BCAS3: variants seen among roughly 807,000 people sequenced by gnomAD.
BCAS3 encodes BCAS3 microtubule associated cell migration factor.
BCAS3 carries 53 observed loss-of-function variants against 116.1 expected under a neutral mutation model. That is an observed-to-expected ratio of 0.46 (90% CI 0.37 to 0.57). The LOEUF (loss-of-function observed/expected upper bound fraction) is 0.57, where lower values mean the gene tolerates loss of function less well. Ranked by LOEUF, BCAS3 falls within the 20% of genes least tolerant of loss-of-function variation. The probability of loss-of-function intolerance (pLI) is 0.00; values close to 1 mark genes in which losing one functional copy is unlikely to be tolerated. For synonymous variants in BCAS3, 391 were observed against 408.2 expected (o/e 0.96, Z 0.51); for missense variants, 917 against 1,165.4 (o/e 0.79, Z 3.10).
At chr17:60,874,601 C>T (rs2055419869) in intron 8 of BCAS3, 61 bp from the exon 9 acceptor site, 1 of 1,187,002 alleles carries the variant, frequency 8.4e-7, no homozygotes, top group Non-Finnish European at 1.2e-6. Flanking sequence ...TTTCTGATTC[C>T]ACTTACAGAA....
At position 61,228,311 on chromosome 17, in the gene BCAS3, G is replaced by C. The variant is rs976818949; in HGVS notation, c.2426-140016G>C. On this transcript the variant is annotated intron_variant, in intron 22 of 23. Transcript: ENST00000407086. The surrounding 1 kb of genome is among the most constrained non-coding windows in gnomAD (Gnocchi z 5.0). ...CACATCAAAATCTATTACCAGAAAA[G>C]TTGCCTTACCAGGAAACCGTAATTT... 6.6e-6 allele frequency among the ~76,000 whole-genome samples: 1 copy of C among 150,384 alleles called. No homozygotes were observed. Among genetic ancestry groups the C allele is most frequent in the Admixed American group, 6.6e-5 (1 of 15,102 alleles).
At chr17:60,982,149 G>C (rs2062852501) in intron 14 of BCAS3, among the ~76,000 whole-genome samples, 1 of 151,620 alleles carries the variant, frequency 6.6e-6, no homozygotes, top group Non-Finnish European at 1.5e-5. Context: ...TTATGTGTGT[G>C]TGATTTTTTT....
chr17:60,759,647 TAC>T (rs1568185979), intron 6 of BCAS3, among the ~76,000 whole-genome samples: 14 of 147,616 alleles, frequency 9.5e-5, no homozygotes, highest in African/African-American at 1.7e-4. Flanking sequence ...TTTTTTTTTT[TAC>T]TGTTTTTGTT....
chr17:60,684,684 T>A (rs1330721294), intron 3 of BCAS3, among the ~76,000 whole-genome samples: 1 of 152,138 alleles, frequency 6.6e-6, no homozygotes, highest in Admixed American at 6.6e-5. Context: ...CTTGTAGCAA[T>A]AGTAAGAATC....
intron 10 of BCAS3, among the ~76,000 whole-genome samples, chr17:60,897,169 A>G (rs983399806): frequency 6.6e-6 from 1 of 152,040 alleles, no homozygotes; most frequent in African/African-American, 2.4e-5. Context: ...ATGAAGGGTA[A>G]TTTTGCTGGA....
intron 7 of BCAS3, among the ~76,000 whole-genome samples, chr17:60,855,773 CCCCAGCCTCAAGT>C (rs948960179): frequency 2.6e-5 from 4 of 151,998 alleles, no homozygotes; most frequent in African/African-American, 9.7e-5. Context: ...CAGCCTCAAC[CCCCAGCCTCAAGT>C]GATCCTCCCA....
chr17:61,342,193 G>A (rs949550008), intron 22 of BCAS3, among the ~76,000 whole-genome samples: 7 of 152,138 alleles, frequency 4.6e-5, no homozygotes, highest in South Asian at 2.1e-4. Flanking sequence ...TAGTACAGAC[G>A]AGGTTTCACT....
chr17:61,238,925 A>G (rs1246179247), intron 22 of BCAS3, among the ~76,000 whole-genome samples: 2 of 152,184 alleles, frequency 1.3e-5, no homozygotes, highest in Non-Finnish European at 2.9e-5. Flanking sequence ...TGATGGCTTC[A>G]TGGCTAGAAA....
rs2074591264 is a variant in BCAS3, at chr17:61,105,568, G to A, written c.2425+21004G>A. The stretch of plus-strand genomic sequence containing the variant: ...GCCCCATGAGTAGCTGGGGTTACAG[G>A]CATGTGCCACCACGCCCAGCTAATT... On this transcript the variant is annotated intron_variant, in intron 22 of 23. Transcript: ENST00000407086. This position sits in a 1 kb window ranked among gnomAD's most constrained non-coding sequence, Gnocchi z 4.3. 6.6e-6 allele frequency among the ~76,000 whole-genome samples: 1 copy of A among 152,206 alleles called. No homozygotes were observed. Among genetic ancestry groups the A allele is most frequent in the Non-Finnish European group, 1.5e-5 (1 of 68,028 alleles).
In BCAS3 at chr17:60,956,776, C is replaced by CTCAGTGACCACAAAATTAA. The variant is rs2061154847; in HGVS notation, c.1221+9426_1221+9444dup. Among the ~76,000 whole-genome samples, 1 of 152,104 alleles carries CTCAGTGACCACAAAATTAA rather than the reference C, an allele frequency of 6.6e-6. No homozygotes were observed. The highest frequency in any genetic ancestry group is 1.5e-5 in the Non-Finnish European group (1 of 68,006). ...ATTTCTAAACCCCAAATACCAGGAC[C>CTCAGTGACCACAAAATTAA]TCAGTGACCACAAAATTAATTTTAT... On this transcript the variant is annotated intron_variant, in intron 14 of 23. Coordinates refer to ENST00000407086, the MANE Select transcript of BCAS3 (RefSeq NM_017679.5). The surrounding 1 kb of genome is among the most constrained non-coding windows in gnomAD (Gnocchi z 4.2).
At chr17:60,828,476 C>T (rs2050627637) in intron 7 of BCAS3, among the ~76,000 whole-genome samples, 1 of 152,044 alleles carries the variant, frequency 6.6e-6, no homozygotes, top group African/African-American at 2.4e-5. Flanking sequence ...AATTATGTTA[C>T]TTGATTTTCT....
chr17:61,078,219 C>T (rs1601040850), intron 20 of BCAS3, 114 bp from the exon 21 acceptor site: 1 of 807,430 alleles, frequency 1.2e-6, no homozygotes, highest in Middle Eastern at 2.4e-4. Flanking sequence ...CCCTTTGCCA[C>T]TTTAACATGG....
rs1051718900 is a variant in BCAS3 at position 61,032,813 on chromosome 17, A to G, written c.1638-1853A>G. ...GGAAGTCTCACTGTGACTGGTTGAC[A>G]TTTTAGGCATGGATGTTTTTTGTTG... is the stretch of plus-strand genomic sequence containing the variant. On this transcript the variant is annotated intron_variant, in intron 16 of 23. Transcript: ENST00000407086. This position sits in a 1 kb window ranked among gnomAD's most constrained non-coding sequence, Gnocchi z 4.6. Among the ~76,000 whole-genome samples, 6 of 152,190 alleles carry G rather than the reference A, an allele frequency of 3.9e-5. No homozygotes were observed. Among genetic ancestry groups the G allele is most frequent in the Non-Finnish European group, 8.8e-5 (6 of 68,026 alleles).
chr17:61,256,771 C>T lies in BCAS3; in HGVS notation c.2426-111556C>T, dbSNP rs1266140678. ...TAATCATTTCAAAAGAAACCTGAGGCTTTCAGGGTTGTTGGTATGCCATGG... is the reference window on the plus strand; with the variant it reads ...TAATCATTTCAAAAGAAACCTGAGGTTTTCAGGGTTGTTGGTATGCCATGG... On this transcript the variant is annotated intron_variant, in intron 22 of 23. Transcript: ENST00000407086. This position sits in a 1 kb window ranked among gnomAD's most constrained non-coding sequence, Gnocchi z 5.6. Among the ~76,000 whole-genome samples the T allele has an allele frequency of 6.6e-6, 1 of 152,082 alleles. No homozygotes were observed. Among genetic ancestry groups the T allele is most frequent in the African/African-American group, 2.4e-5 (1 of 41,398 alleles).
At chr17:60,889,596 T>A (rs1196250192) in intron 9 of BCAS3, 99 bp from the exon 10 acceptor site, 1 of 960,584 alleles carries the variant, frequency 1.0e-6, no homozygotes, top group Non-Finnish European at 1.6e-6. Flanking sequence ...TGAAAAAATA[T>A]AAGCATTTGA....
At position 61,324,184 on chromosome 17, in the gene BCAS3, C is replaced by T. The variant is rs1239464269; in HGVS notation, c.2426-44143C>T. Among the ~76,000 whole-genome samples, 2 of 152,162 alleles carry T rather than the reference C, an allele frequency of 1.3e-5. No individual in the cohort carries two copies. The highest frequency in any genetic ancestry group is 6.5e-5 in the Admixed American group (1 of 15,280). ...CCCCATCCTTCTGATTCTCTGTATC[C>T]CCAGTGCCAGACATATGCTAAGCAC... is the stretch of plus-strand genomic sequence containing the variant. On this transcript the variant is annotated intron_variant, in intron 22 of 23. Coordinates refer to ENST00000407086, the MANE Select transcript of BCAS3 (RefSeq NM_017679.5). The surrounding 1 kb of genome is among the most constrained non-coding windows in gnomAD (Gnocchi z 4.6).
Position 61,315,259 on chromosome 17 carries a change from C to T in BCAS3, c.2426-53068C>T, listed in dbSNP as rs562669276. On this transcript the variant is annotated intron_variant, in intron 22 of 23. Coordinates refer to ENST00000407086, the MANE Select transcript of BCAS3 (RefSeq NM_017679.5). The surrounding 1 kb of genome is among the most constrained non-coding windows in gnomAD (Gnocchi z 5.3). ...CCTCCCAAGTAGCTGGGATTATAGG[C>T]GCCCACCACCACACCCGGCTAATTT... 6.6e-6 allele frequency among the ~76,000 whole-genome samples: 1 copy of T among 152,152 alleles called. No individual in the cohort carries two copies. Among genetic ancestry groups the T allele is most frequent in the South Asian group, 2.1e-4 (1 of 4,814 alleles).
chr17:61,148,009 A>G (rs1342778678), intron 22 of BCAS3, among the ~76,000 whole-genome samples: 1 of 152,050 alleles, frequency 6.6e-6, no homozygotes, highest in African/African-American at 2.4e-5. Flanking sequence ...AAAGAAAGAA[A>G]TGTATAAGTT....
At position 61,188,069 on chromosome 17, in the gene BCAS3, C is replaced by A. The variant is rs562766770; in HGVS notation, c.2425+103505C>A. Among the ~76,000 whole-genome samples the A allele has an allele frequency of 6.6e-6, 1 of 152,198 alleles. No homozygotes were observed. The highest frequency in any genetic ancestry group is 1.9e-4 in the East Asian group (1 of 5,190). ...TCTTTAACATTCATCTTCCAGTGTA[C>A]AAATGCAGCTAATATTTTCTCTGCT... is the stretch of plus-strand genomic sequence containing the variant. On this transcript the variant is annotated intron_variant, in intron 22 of 23. Coordinates refer to ENST00000407086, the MANE Select transcript of BCAS3 (RefSeq NM_017679.5). This position sits in a 1 kb window ranked among gnomAD's most constrained non-coding sequence, Gnocchi z 4.0.
Sources: gnomAD v4.1 joint callset for allele counts (sites outside exome capture counted in the v4.1 genomes callset) on GRCh38, gnomAD v4.1.1 for gene constraint, Gnocchi (gnomAD v3.1) non-coding constraint, MANE v1.5 for transcripts, NCBI Gene and HGNC (gene_info 2026-07-23, HGNC 2026-07-21) for gene names.